The following DHODH variants were observed in gnomAD, a reference collection of about 807,000 sequenced individuals.
The protein encoded by DHODH is dihydroorotate dehydrogenase (quinone), also known as dihydroorotate dehydrogenase (quinone), mitochondrial.
In DHODH, 30 loss-of-function variants were observed where a neutral mutation model predicts 39.7. That is an observed-to-expected ratio of 0.76 (90% CI 0.57 to 1.02). The LOEUF is 1.02. Among genes scored for constraint, DHODH ranks in the 50% least tolerant of loss-of-function variants. The pLI is 0.00. For missense variants in DHODH, 531 were observed against 520.8 expected (o/e 1.02, Z -0.19); for synonymous variants, 222 against 213.8 (o/e 1.04, Z -0.34).
intron 5 of DHODH, 44 bp from the exon 6 acceptor site, chr16:72,022,318 C>T: frequency 7.0e-7 from 1 of 1,436,502 alleles, no homozygotes; most frequent in South Asian, 1.2e-5. Flanking sequence ...CACTGCAGGG[C>T]TGTGGTCTGC....
chr16:72,009,509 CAAAAAAAA>C (rs56347696), intron 1 of DHODH, among the ~76,000 whole-genome samples: 3 of 48,120 alleles, frequency 6.2e-5, no homozygotes, highest in African/African-American at 8.8e-5. Flanking sequence ...GACTCCGTCT[CAAAAAAAA>C]AAAAAAAAAA....
chr16:72,015,980 AT>A, intron 3 of DHODH: 1 of 630,824 alleles, frequency 1.6e-6, no homozygotes, highest in Non-Finnish European at 2.0e-6. Flanking sequence ...CAACAGGCAC[AT>A]TTGATATTAT....
At chr16:72,013,963 G>C (rs190497377) in intron 2 of DHODH, among the ~76,000 whole-genome samples, 1 of 152,184 alleles carries the variant, frequency 6.6e-6, no homozygotes, top group African/African-American at 2.4e-5. Context: ...GGGAGGCTGG[G>C]GGACGTGGCT....
intron 2 of DHODH, 44 bp from the exon 3 acceptor site, chr16:72,014,429 G>A (rs749522789): frequency 2.6e-5 from 41 of 1,570,092 alleles, no homozygotes; most frequent in Non-Finnish European, 3.3e-5. Flanking sequence ...GAGAAATACC[G>A]GGATAGCCTT....
intron 1 of DHODH, chr16:72,009,002 G>A: frequency 6.8e-7 from 1 of 1,462,484 alleles, no homozygotes; most frequent in Non-Finnish European, 9.0e-7. Flanking sequence ...TGCAGGTCTG[G>A]GTGGGTGCTG....
Position 72,027,234 on chromosome 16 carries a change from G to A in DHODH, c.*3035G>A, listed in dbSNP as rs2041284913. ...GGATGGTTCGATCTCCTGACCTCAT[G>A]ATCTGGCCGCCTCAGTCTCCCAAAG... On this transcript the variant is annotated 3_prime_UTR_variant, in exon 9 of 9. Transcript: ENST00000219240. 1 of 152,224 alleles carries A rather than the reference G, an allele frequency of 6.6e-6. No homozygotes were observed. Among genetic ancestry groups the A allele is most frequent in the Admixed American group, 6.6e-5 (1 of 15,256 alleles). 9.4% of individuals were successfully genotyped at this position (152,224 alleles called of 1,614,324 possible). A position where few individuals can be genotyped will look rare whatever the true frequency, so the allele number is the denominator to read the frequency against.
chr16:72,018,806 C>T (rs755119983), intron 4 of DHODH, among the ~76,000 whole-genome samples: 2 of 152,228 alleles, frequency 1.3e-5, no homozygotes, highest in Non-Finnish European at 2.9e-5. Flanking sequence ...TCAGTTTGGG[C>T]AGATGACTCC....
Position 72,012,260 on chromosome 16 carries a change from C to T in DHODH, c.232C>T (p.Leu78=). The change falls in exon 2 of 9, where the codon CTG becomes TTG. Residue 78 remains leucine (L), a splice_region_variant and synonymous_variant. Transcript: ENST00000219240. ...GGCCAGATTTCAAGACTCTGACATG[C>T]TGGTAGTGCTCCCAGACACCCTATA... ...PRARFQDSDM[L]EVRVLGHKFR... 6.2e-7 allele frequency: 1 copy of T among 1,613,896 alleles called. No individual in the cohort carries two copies. Among genetic ancestry groups the T allele is most frequent in the Non-Finnish European group, 8.5e-7 (1 of 1,179,804 alleles).
chr16:72,009,992 C>A (rs1449609711), intron 1 of DHODH, among the ~76,000 whole-genome samples: 1 of 152,194 alleles, frequency 6.6e-6, no homozygotes, highest in African/African-American at 2.4e-5. Context: ...AAGGGATCTT[C>A]CCGCCTCAGC....
At chr16:72,017,841 G>A (rs907835838) in intron 4 of DHODH, among the ~76,000 whole-genome samples, 1 of 147,942 alleles carries the variant, frequency 6.8e-6, no homozygotes, top group Admixed American at 6.9e-5. Flanking sequence ...GCGGGATCTC[G>A]GCTCACTGCA....
In DHODH at chr16:72,012,165, A is replaced by C; in HGVS notation, c.137A>C (p.Gln46Pro). 3 of 1,614,064 alleles carry C rather than the reference A, an allele frequency of 1.9e-6. No homozygotes were observed. Among genetic ancestry groups the C allele is most frequent in the Non-Finnish European group, 2.5e-6 (3 of 1,179,982 alleles). The change falls in exon 2 of 9, where the codon CAG becomes CCG. Residue 46 changes from glutamine to proline, a missense_variant. By Grantham distance (76) the Gln-to-Pro change is moderately conservative. Coordinates refer to ENST00000219240, the MANE Select transcript of DHODH (RefSeq NM_001361.5). ...FYAEHLMPTL[Q>P]GLLDPESAHR... Reference sequence around the variant, plus strand: ...GCTGAACACCTGATGCCGACTCTGCAGGGGCTGCTGGACCCGGAGTCAGCC... The same window carrying C: ...GCTGAACACCTGATGCCGACTCTGCCGGGGCTGCTGGACCCGGAGTCAGCC...
rs552114796 is a variant in DHODH, at chr16:72,023,730, T to C, written c.1133+97T>C. ...ATACTGTTGATCTGTTTCTTATTCATTCAAAAAGGAGTTGAGGGGTACACT... is the reference window on the plus strand; with the variant it reads ...ATACTGTTGATCTGTTTCTTATTCACTCAAAAAGGAGTTGAGGGGTACACT... On this transcript the variant is annotated intron_variant, in intron 8 of 8. Coordinates refer to ENST00000219240, the MANE Select transcript of DHODH (RefSeq NM_001361.5). The C allele has an allele frequency of 2.6e-6, 4 of 1,558,480 alleles. No homozygotes were observed. In the East Asian group the frequency reaches 9.0e-5, roughly 35 times the overall value.
Position 72,023,436 on chromosome 16 carries a change from C to T in DHODH, c.974-38C>T, listed in dbSNP as rs781738440. ...GTGGGGGACTCTGGGGCTGAAGCCA[C>T]ATCCTTCTTTATGGTGTCGCCATGT... On this transcript the variant is annotated intron_variant, in intron 7 of 8. Transcript: ENST00000219240. 2.5e-6 allele frequency: 4 copies of T among 1,614,162 alleles called. No homozygotes were observed. The African/African-American group carries it at 4.0e-5, about 16-fold the overall frequency.
At chr16:72,021,080 G>A (rs1477381031) in intron 4 of DHODH, 44 bp from the exon 5 acceptor site, 3 of 1,553,014 alleles carry the variant, frequency 1.9e-6, no homozygotes, top group Non-Finnish European at 2.6e-6. Flanking sequence ...AGGTGGCACA[G>A]GAAAGGGTGT....
chr16:72,015,159 A>C (rs2041128629), intron 3 of DHODH, among the ~76,000 whole-genome samples: 2 of 152,244 alleles, frequency 1.3e-5, no homozygotes. Context: ...ACAAGTATTT[A>C]AAAAAACGTA....
rs1004551856 is a variant in DHODH, at chr16:72,017,169, T to C, written c.517+63T>C. 11 of 1,525,294 alleles carry C rather than the reference T, an allele frequency of 7.2e-6. No homozygotes were observed. The African/African-American group carries it at 1.1e-4, about 15-fold the overall frequency. The allele number at this position is 1,525,294 out of a possible 1,614,324, so 94.5% of individuals were successfully genotyped here. On this transcript the variant is annotated intron_variant, in intron 4 of 8. Transcript: ENST00000219240. ...TTAGGAGGAAACGTGGGAGAAATGCTGGGAACATTTCTAGTGAAATAAACA... is the reference window on the plus strand; with the variant it reads ...TTAGGAGGAAACGTGGGAGAAATGCCGGGAACATTTCTAGTGAAATAAACA...
At chr16:72,023,674 G>A in intron 8 of DHODH, 41 bp downstream of exon 8, 1 of 1,610,304 alleles carries the variant, frequency 6.2e-7, no homozygotes, top group Non-Finnish European at 8.5e-7. Flanking sequence ...AAGTTAGGCA[G>A]AGGTTCATTT....
Position 72,008,773 on chromosome 16 carries a change from G to T in DHODH, c.9G>T (p.Trp3Cys), listed in dbSNP as rs1452901927. 1.3e-6 allele frequency: 2 copies of T among 1,551,868 alleles called. No individual in the cohort carries two copies. Among genetic ancestry groups the T allele is most frequent in the African/African-American group, 1.4e-5 (1 of 73,196 alleles). ...TTAATGACGGAAGGAGCATGGCGTGGAGACACCTGAAAGTGAGTCCCGCGA... is the reference window on the plus strand; with the variant it reads ...TTAATGACGGAAGGAGCATGGCGTGTAGACACCTGAAAGTGAGTCCCGCGA... MA[W>C]RHLKKRAQDA... Residue 3 changes from tryptophan (W) to cysteine (C), a missense_variant, in exon 1 of 9, where the codon TGG (tryptophan) becomes TGT (cysteine). Physicochemically the swap from Trp to Cys is radical, Grantham distance 215. Transcript: ENST00000219240.
chr16:72,013,271 T>C (rs752434), intron 2 of DHODH, among the ~76,000 whole-genome samples: 68,083 of 151,946 alleles, frequency 0.45, 16,232 homozygotes, highest in East Asian at 0.73. Context: ...TCCGTTAAGG[T>C]GTCCTCACCT....
Sources: allele counts gnomAD v4.1 joint callset (sites outside exome capture counted in the v4.1 genomes callset), GRCh38; gene constraint gnomAD v4.1.1; transcripts MANE v1.5; gene names NCBI Gene and HGNC (gene_info 2026-07-23, HGNC 2026-07-21).